MAGI2: variants seen among roughly 807,000 people sequenced by gnomAD.
MAGI2 encodes membrane-associated guanylate kinase, WW and PDZ domain-containing protein 2.
In MAGI2, 35 loss-of-function variants were observed where a neutral mutation model predicts 133.3. The observed-to-expected ratio is 0.26, with a 90% CI of 0.20 to 0.35. MAGI2 has a LOEUF of 0.35. Ranked by LOEUF, MAGI2 falls within the 10% of genes least tolerant of loss-of-function variation. MAGI2 has a pLI of 1.00. For missense variants in MAGI2, 1,636 were observed against 1,863.4 expected (o/e 0.88, Z 2.25); for synonymous variants, 729 against 710.6 (o/e 1.03, Z -0.41).
intron 2 of MAGI2, among the ~76,000 whole-genome samples, chr7:78,831,006 T>G (rs965479744): frequency 2.6e-5 from 4 of 152,212 alleles, no homozygotes; most frequent in Non-Finnish European, 4.4e-5. Context: ...TAAACTTTTC[T>G]TCTTTTTATT....
chr7:79,280,482 T>G (rs1243470302), intron 1 of MAGI2, among the ~76,000 whole-genome samples: 1 of 152,074 alleles, frequency 6.6e-6, no homozygotes, highest in Non-Finnish European at 1.5e-5. Flanking sequence ...ACAGGAAGTT[T>G]TCGGAAGATT....
intron 2 of MAGI2, among the ~76,000 whole-genome samples, chr7:78,794,267 G>C (rs1787415093): frequency 6.6e-6 from 1 of 152,144 alleles, no homozygotes; most frequent in African/African-American, 2.4e-5. Flanking sequence ...TGAGTTTGTT[G>C]GTAGTTGCAT....
chr7:78,941,555 C>T (rs187388715), intron 2 of MAGI2, among the ~76,000 whole-genome samples: 1 of 152,028 alleles, frequency 6.6e-6, no homozygotes, highest in East Asian at 1.9e-4. Context: ...AGGCTGGTCT[C>T]GAACTCCTGG....
intron 2 of MAGI2, among the ~76,000 whole-genome samples, chr7:78,996,517 G>A (rs1313774570): frequency 6.6e-6 from 1 of 152,038 alleles, no homozygotes; most frequent in Non-Finnish European, 1.5e-5. Flanking sequence ...AAGGGTGGAG[G>A]GTGGGAGGAG....
chr7:79,291,020 A>G (rs1836437040), intron 1 of MAGI2, among the ~76,000 whole-genome samples: 1 of 152,058 alleles, frequency 6.6e-6, no homozygotes, highest in Non-Finnish European at 1.5e-5. Flanking sequence ...GAATCATTAT[A>G]AAATATTTTC....
chr7:78,088,906 G>T (rs1372151076), intron 20 of MAGI2, among the ~76,000 whole-genome samples: 3 of 152,164 alleles, frequency 2.0e-5, no homozygotes, highest in Non-Finnish European at 4.4e-5. Context: ...GTTTGGGTGG[G>T]CCTAATATAA....
intron 1 of MAGI2, among the ~76,000 whole-genome samples, chr7:79,277,146 T>C (rs1835288173): frequency 6.6e-6 from 1 of 152,092 alleles, no homozygotes; most frequent in South Asian, 2.1e-4. Flanking sequence ...CAGCAAAATG[T>C]GATTGCTTGT....
At chr7:78,498,661 T>G (rs1197005582) in intron 5 of MAGI2, among the ~76,000 whole-genome samples, 6 of 152,174 alleles carry the variant, frequency 3.9e-5, no homozygotes, top group Non-Finnish European at 7.3e-5. Context: ...GCTGATCCAC[T>G]GCCCGCTCTG....
At chr7:79,257,131 A>C (rs945481117) in intron 1 of MAGI2, among the ~76,000 whole-genome samples, 1 of 152,138 alleles carries the variant, frequency 6.6e-6, no homozygotes, top group Non-Finnish European at 1.5e-5. Flanking sequence ...AACATCATAC[A>C]TGATAAATAC....
At chr7:78,201,302 A>G in intron 10 of MAGI2, 109 bp from the exon 11 acceptor site, 1 of 533,838 alleles carries the variant, frequency 1.9e-6, no homozygotes, top group South Asian at 3.6e-5. Context: ...TTAACAGCGA[A>G]CAATAACAAA....
intron 1 of MAGI2, among the ~76,000 whole-genome samples, chr7:79,286,003 T>A (rs967762363): frequency 6.6e-6 from 1 of 152,064 alleles, no homozygotes; most frequent in Non-Finnish European, 1.5e-5. Flanking sequence ...TGGGATCTAC[T>A]GGGGAAGATG....
chr7:79,101,667 T>C (rs1817983998), intron 1 of MAGI2, among the ~76,000 whole-genome samples: 1 of 139,938 alleles, frequency 7.1e-6, no homozygotes, highest in Admixed American at 8.0e-5. Context: ...GAGCTTGTAG[T>C]GAGCCGAGAT....
intron 1 of MAGI2, among the ~76,000 whole-genome samples, chr7:79,428,501 C>A (rs1290455625): frequency 6.6e-6 from 1 of 152,092 alleles, no homozygotes; most frequent in Non-Finnish European, 1.5e-5. Flanking sequence ...TTTGTAGGAT[C>A]AAATGCTTTG....
intron 9 of MAGI2, among the ~76,000 whole-genome samples, chr7:78,343,463 G>A (rs1271796928): frequency 6.6e-6 from 1 of 152,086 alleles, no homozygotes; most frequent in Non-Finnish European, 1.5e-5. Flanking sequence ...AGTTAGAAAA[G>A]TGTGAAATGT....
intron 1 of MAGI2, among the ~76,000 whole-genome samples, chr7:79,268,220 C>A (rs984752990): frequency 1.3e-5 from 2 of 152,086 alleles, no homozygotes; most frequent in Non-Finnish European, 2.9e-5. Context: ...ACTCAGCATG[C>A]CAGAATGCCA....
intron 2 of MAGI2, among the ~76,000 whole-genome samples, chr7:78,929,908 AAAAT>A (rs1255630995): frequency 6.6e-6 from 1 of 152,080 alleles, no homozygotes; most frequent in Non-Finnish European, 1.5e-5. Flanking sequence ...AACCCAGCTA[AAAAT>A]AAGCTTCATG....
chr7:78,535,110 T>C (rs965870746), intron 3 of MAGI2, among the ~76,000 whole-genome samples: 5 of 151,902 alleles, frequency 3.3e-5, no homozygotes, highest in African/African-American at 1.2e-4. Flanking sequence ...CCAGCCTGGG[T>C]GACAGAGCGA....
At chr7:78,331,600 C>T (rs1007917087) in intron 9 of MAGI2, among the ~76,000 whole-genome samples, 5 of 152,306 alleles carry the variant, frequency 3.3e-5, no homozygotes, top group Admixed American at 2.0e-4. Context: ...CAGCCAACCA[C>T]CTACTCCTAT....
At chr7:79,396,239 GC>G (rs1393570773) in intron 1 of MAGI2, among the ~76,000 whole-genome samples, 4 of 152,046 alleles carry the variant, frequency 2.6e-5, no homozygotes, top group Admixed American at 6.6e-5. Flanking sequence ...TCATTTCTAG[GC>G]TATGCTCTGA....
Sources: gnomAD v4.1 joint callset for allele counts (sites outside exome capture counted in the v4.1 genomes callset) on GRCh38, gnomAD v4.1.1 for gene constraint, MANE v1.5 for transcripts, NCBI Gene and HGNC (gene_info 2026-07-23, HGNC 2026-07-21) for gene names.